KIF6: variants seen among roughly 807,000 people sequenced by gnomAD.
The protein encoded by KIF6 is kinesin family member 6, also known as kinesin-like protein KIF6.
Under a neutral mutation model 112.7 loss-of-function variants are expected in KIF6, and 106 were observed. The ratio of observed to expected loss-of-function variants is 0.94; its 90% CI spans 0.80 to 1.11. The LOEUF is 1.11. KIF6 is among the 50% of genes least tolerant of loss of function. The probability of loss-of-function intolerance (pLI) is 0.00; values close to 1 mark genes in which losing one functional copy is unlikely to be tolerated. For missense variants in KIF6, 929 were observed against 964.0 expected, an observed-to-expected ratio of 0.96 and a Z score of 0.48; for synonymous variants, 339 against 339.9, an observed-to-expected ratio of 1.00 and a Z score of 0.03.
intron 19 of KIF6, among the ~76,000 whole-genome samples, chr6:39,357,013 G>T (rs1300981068): frequency 6.6e-6 from 1 of 152,152 alleles, no homozygotes; most frequent in African/African-American, 2.4e-5. Context: ...GCAGGACCAG[G>T]GCTTGATTGT....
At chr6:39,409,537 GT>G (rs1331552764) in intron 15 of KIF6, among the ~76,000 whole-genome samples, 2 of 152,242 alleles carry the variant, frequency 1.3e-5, no homozygotes, top group Non-Finnish European at 2.9e-5. Context: ...TCTGCGTGGT[GT>G]TTCACTATCT....
At chr6:39,695,611 A>G (rs990273598) in intron 3 of KIF6, among the ~76,000 whole-genome samples, 3 of 152,206 alleles carry the variant, frequency 2.0e-5, no homozygotes, top group African/African-American at 7.2e-5. Context: ...ACCATCTCAC[A>G]CCAGTCAGAA....
chr6:39,371,077 T>C (rs1765941582), intron 16 of KIF6, among the ~76,000 whole-genome samples: 1 of 152,172 alleles, frequency 6.6e-6, no homozygotes, highest in Non-Finnish European at 1.5e-5. Context: ...TTGCCAATTT[T>C]TGGGGTACAA....
intron 19 of KIF6, among the ~76,000 whole-genome samples, chr6:39,350,835 C>T (rs530161226): frequency 5.3e-5 from 8 of 152,182 alleles, no homozygotes; most frequent in Non-Finnish European, 1.0e-4. Context: ...CTAGTGTGAC[C>T]GTCCCATCCA....
intron 13 of KIF6, among the ~76,000 whole-genome samples, chr6:39,532,762 T>C (rs1166955114): frequency 2.6e-5 from 4 of 152,220 alleles, no homozygotes; most frequent in African/African-American, 4.8e-5. Flanking sequence ...CAGAAAACCA[T>C]GCATGTCAGG....
intron 3 of KIF6, among the ~76,000 whole-genome samples, chr6:39,683,042 T>A (rs138312860): frequency 6.6e-6 from 1 of 152,370 alleles, no homozygotes; most frequent in African/African-American, 2.4e-5. Flanking sequence ...AGAAAGCTGC[T>A]GAGCCTGGGC....
chr6:39,690,103 A>C (rs1788103989), intron 3 of KIF6: 1 of 152,228 alleles, frequency 6.6e-6, no homozygotes, highest in Non-Finnish European at 1.5e-5. Flanking sequence ...TATAATGTGA[A>C]TATTATTACA....
In KIF6 at chr6:39,547,954, T is replaced by A. The variant is rs144448567; in HGVS notation, c.1182-2266A>T. Among the ~76,000 whole-genome samples the A allele has an allele frequency of 8.7e-3, 1,325 of 152,292 alleles. 20 individuals carry two copies. Among genetic ancestry groups the A allele is most frequent in the African/African-American group, 0.031 (1,268 of 41,546 alleles). On this transcript the variant is annotated intron_variant, in intron 10 of 22. Coordinates refer to ENST00000287152, the MANE Select transcript of KIF6 (RefSeq NM_145027.6). ...TGACTTAATGAGGTTTAAAAAATAG[T>A]AATGTTTAGCTACTTGTATTTTCCC... is the stretch of plus-strand genomic sequence containing the variant.
At chr6:39,449,108 G>A (rs924985746) in intron 13 of KIF6, among the ~76,000 whole-genome samples, 12 of 152,056 alleles carry the variant, frequency 7.9e-5, no homozygotes, top group Non-Finnish European at 1.5e-4. Flanking sequence ...AACCCAAGTC[G>A]TTGCCATTTC....
chr6:39,692,435 C>A (rs1025117908), intron 3 of KIF6, among the ~76,000 whole-genome samples: 1 of 152,196 alleles, frequency 6.6e-6, no homozygotes, highest in Non-Finnish European at 1.5e-5. Context: ...CTATTCTTTT[C>A]ATAACATGAT....
At chr6:39,364,904 T>C (rs1483218129) in intron 16 of KIF6, among the ~76,000 whole-genome samples, 1 of 152,226 alleles carries the variant, frequency 6.6e-6, no homozygotes. Flanking sequence ...CTGCTTATGA[T>C]TTTTAGCAGC....
Position 39,578,130 on chromosome 6 carries a change from C to A in KIF6, c.1107G>T (p.Gln369His). ...LVIKRLQKEIQELKDELAMVT... is the reference protein window; with the variant it reads ...LVIKRLQKEIHELKDELAMVT... ...CCATGGCCAGTTCATCCTTCAGTTCCTGGATTTCCTTTTGTAGGCGTTTAA... is the reference window on the plus strand; with the variant it reads ...CCATGGCCAGTTCATCCTTCAGTTCATGGATTTCCTTTTGTAGGCGTTTAA... Residue 369 changes from glutamine to histidine, a missense_variant, in exon 10 of 23, where the codon CAG becomes CAT. Physicochemically the swap from Gln to His is conservative, Grantham distance 24. Around this residue, in one of 2 missense-constraint regions of KIF6, gnomAD observed 688 missense variants for 662.7 expected, o/e 1.04. Transcript: ENST00000287152. 1 of 1,613,994 alleles carries A rather than the reference C, an allele frequency of 6.2e-7. No individual in the cohort carries two copies. The highest frequency in any genetic ancestry group is 8.5e-7 in the Non-Finnish European group (1 of 1,179,910).
intron 15 of KIF6, among the ~76,000 whole-genome samples, chr6:39,394,429 G>A (rs1313946153): frequency 5.3e-5 from 8 of 152,198 alleles, no homozygotes. Context: ...CAGCGACAGG[G>A]ATAGGGGAAA....
chr6:39,371,009 T>C (rs868644640), intron 16 of KIF6, among the ~76,000 whole-genome samples: 3 of 152,294 alleles, frequency 2.0e-5, no homozygotes, highest in Middle Eastern at 6.8e-3. Flanking sequence ...ATCAGTGGTG[T>C]GCTGGTAAGT....
chr6:39,386,707 G>C (rs1185581366), intron 15 of KIF6, among the ~76,000 whole-genome samples: 2 of 152,034 alleles, frequency 1.3e-5, no homozygotes, highest in Non-Finnish European at 2.9e-5. Flanking sequence ...GGGAGGCAAT[G>C]ACCTCCAGGC....
chr6:39,539,645 G>T (rs1043943520), intron 13 of KIF6, among the ~76,000 whole-genome samples: 2 of 152,104 alleles, frequency 1.3e-5, no homozygotes. Context: ...GCCTGGCCTG[G>T]TAATATTTTT....
intron 3 of KIF6, among the ~76,000 whole-genome samples, chr6:39,693,904 A>T (rs56198073): frequency 0.064 from 9,715 of 152,214 alleles, 659 homozygotes; most frequent in East Asian, 0.38. Context: ...AAGAACATAG[A>T]TGCAAAAATC....
At chr6:39,533,051 T>C (rs1035091166) in intron 13 of KIF6, among the ~76,000 whole-genome samples, 12 of 152,210 alleles carry the variant, frequency 7.9e-5, no homozygotes, top group African/African-American at 2.9e-4. Context: ...TGAATAGGAA[T>C]AGCTCTGGTC....
At chr6:39,716,085 T>G (rs1419592510) in intron 2 of KIF6, among the ~76,000 whole-genome samples, 3 of 152,008 alleles carry the variant, frequency 2.0e-5, no homozygotes, top group Non-Finnish European at 2.9e-5. Flanking sequence ...AAAAAAAGAG[T>G]AATTATATCT....
Sources: allele counts gnomAD v4.1 joint callset (sites outside exome capture counted in the v4.1 genomes callset), GRCh38; gene constraint gnomAD v4.1.1; regional missense constraint gnomAD v4.1.1; transcripts MANE v1.5; gene names NCBI Gene and HGNC (gene_info 2026-07-23, HGNC 2026-07-21).